Variants in TP53I13 observed in about 807,000 individuals in gnomAD.
The protein encoded by TP53I13 is tumor protein p53-inducible protein 13.
TP53I13 carries 27 observed loss-of-function variants against 39.1 expected under a neutral mutation model. The observed-to-expected ratio is 0.69, with a 90% CI of 0.51 to 0.95. The LOEUF (loss-of-function observed/expected upper bound fraction) is 0.95, where lower values mean the gene tolerates loss of function less well. Among genes scored for constraint, TP53I13 ranks in the 40% least tolerant of loss-of-function variants. The probability of loss-of-function intolerance (pLI) is 0.00; values close to 1 mark genes in which losing one functional copy is unlikely to be tolerated. For synonymous variants in TP53I13, 230 were observed against 224.6 expected (o/e 1.02, Z -0.22); for missense variants, 544 against 520.4 (o/e 1.05, Z -0.44).
At chr17:29,566,971 A>T (rs1473918277), upstream of TP53I13, 4 of 1,353,836 alleles carry the variant, frequency 3.0e-6, no homozygotes, top group African/African-American at 4.6e-5. Flanking sequence ...CGGCATGGCG[A>T]AGCTGGAGAG....
chr17:29,577,937 A>G (rs555895633), downstream of TP53I13, among the ~76,000 whole-genome samples: 192 of 152,364 alleles, frequency 1.3e-3, no homozygotes, highest in African/African-American at 4.3e-3. Flanking sequence ...GGGGACAGAC[A>G]AATGGAACAA....
At chr17:29,580,059 C>A in the TP53I13 span, among the ~76,000 whole-genome samples, 1 of 152,136 alleles carries the variant, frequency 6.6e-6, no homozygotes, top group Non-Finnish European at 1.5e-5. Context: ...GCATTTCTAC[C>A]CTCCATGCCT....
At chr17:29,566,622 G>A (rs762884067), upstream of TP53I13, 11 of 1,608,190 alleles carry the variant, frequency 6.8e-6, no homozygotes, top group South Asian at 8.8e-5. Flanking sequence ...CAGGCGCTAC[G>A]GGCAGGACGA....
At chr17:29,578,583 G>C in the TP53I13 span, 1 of 863,892 alleles carries the variant, frequency 1.2e-6, no homozygotes, top group African/African-American at 1.6e-5. Flanking sequence ...AGGGAGGTCA[G>C]GGAGAGGGGA....
chr17:29,575,887 C>A (rs1393417208), downstream of TP53I13: 5 of 1,608,260 alleles, frequency 3.1e-6, no homozygotes, highest in East Asian at 2.2e-5. This position sits in a 1 kb window ranked among gnomAD's most constrained non-coding sequence, Gnocchi z 5.5. Context: ...AGGCAGACAC[C>A]CCTTTCCGGA....
At chr17:29,577,598 G>T, downstream of TP53I13, 2 of 1,217,254 alleles carry the variant, frequency 1.6e-6, no homozygotes, top group Non-Finnish European at 2.4e-6. Context: ...AGGAGGGACC[G>T]CGGGGATGAA....
Position 29,568,732 on chromosome 17 carries a change from G to A in TP53I13, c.-27G>A. 6.9e-7 allele frequency: 1 copy of A among 1,454,696 alleles called. No individual in the cohort carries two copies. Among genetic ancestry groups the A allele is most frequent in the Non-Finnish European group, 9.0e-7 (1 of 1,109,210 alleles). The allele number at this position is 1,454,696 out of a possible 1,614,324, so 90.1% of individuals were successfully genotyped here. ...TCCCTCGCTGGCGGAGCGGCTGGGC[G>A]GCGGGCCGGGCCCGGGGCCGCTTGG... On this transcript the variant is annotated 5_prime_UTR_variant, in exon 1 of 7. Coordinates refer to ENST00000301057, the MANE Select transcript of TP53I13 (RefSeq NM_138349.4). This position sits in a 1 kb window ranked among gnomAD's most constrained non-coding sequence, Gnocchi z 4.5.
At chr17:29,575,877 A>G, downstream of TP53I13, 1 of 1,610,458 alleles carries the variant, frequency 6.2e-7, no homozygotes, top group Non-Finnish European at 8.5e-7. This position sits in a 1 kb window ranked among gnomAD's most constrained non-coding sequence, Gnocchi z 5.5. Flanking sequence ...GGCACAGCTG[A>G]GGCAGACACC....
downstream of TP53I13, chr17:29,576,453 A>G: frequency 6.2e-7 from 1 of 1,612,678 alleles, no homozygotes; most frequent in South Asian, 1.1e-5. Flanking sequence ...TTGTGGATCT[A>G]TGGGTGCAAA....
At chr17:29,576,573 G>A, downstream of TP53I13, 1 of 1,614,034 alleles carries the variant, frequency 6.2e-7, no homozygotes. Context: ...TGACCTTCAT[G>A]AGCTGCTGCA....
chr17:29,568,641 C>A, upstream of TP53I13: 6 of 627,792 alleles, frequency 9.6e-6, no homozygotes, highest in Non-Finnish European at 1.2e-5. This position sits in a 1 kb window ranked among gnomAD's most constrained non-coding sequence, Gnocchi z 4.5. Context: ...AGCCCAGGGC[C>A]AACGGACGCG....
downstream of TP53I13, chr17:29,577,652 C>T (rs2033260523): frequency 1.2e-6 from 2 of 1,601,182 alleles, no homozygotes; most frequent in Non-Finnish European, 1.7e-6. Context: ...CACCTGATTC[C>T]GCGTGGCTGA....
chr17:29,571,556 G>A (rs1325169180), intron 3 of TP53I13, 35 bp from the exon 4 acceptor site: 2 of 1,610,798 alleles, frequency 1.2e-6, no homozygotes, highest in African/African-American at 2.7e-5. Context: ...GGAGGGCTCT[G>A]GGCCTGCTTT....
At chr17:29,578,335 C>T in the TP53I13 span, 8 of 1,614,020 alleles carry the variant, frequency 5.0e-6, no homozygotes, top group African/African-American at 1.3e-5. Flanking sequence ...TCGTCATACA[C>T]GTCCATGGCG....
At chr17:29,579,197 C>T in the TP53I13 span, 1 of 587,070 alleles carries the variant, frequency 1.7e-6, no homozygotes, top group Admixed American at 3.0e-5. Flanking sequence ...TTGTCCACCA[C>T]CAGTGTCAGC....
At chr17:29,581,530 C>T in the TP53I13 span, 9 of 733,700 alleles carry the variant, frequency 1.2e-5, no homozygotes, top group Non-Finnish European at 1.7e-5. The surrounding 1 kb of genome is among the most constrained non-coding windows in gnomAD (Gnocchi z 4.8). Flanking sequence ...GCTGGGAGCT[C>T]GTGGGAGGAT....
At chr17:29,576,922 C>T (rs1235733839), downstream of TP53I13, 6 of 1,584,972 alleles carry the variant, frequency 3.8e-6, no homozygotes, top group Non-Finnish European at 5.1e-6. Context: ...TCTGTGTCCT[C>T]GTCAGAGGCC....
chr17:29,568,874 A>C lies in TP53I13; in HGVS notation c.72+44A>C, dbSNP rs768789893. The stretch of plus-strand genomic sequence containing the variant: ...GGGAAGGCCTCGGCCCGCGAGCTCA[A>C]AGCGCTTTGCCAAAAGTTCGTCCTG... On this transcript the variant is annotated intron_variant, in intron 1 of 6. Transcript: ENST00000301057. This position sits in a 1 kb window ranked among gnomAD's most constrained non-coding sequence, Gnocchi z 4.5. The C allele has an allele frequency of 1.0e-5, 16 of 1,599,018 alleles. No homozygotes were observed. In the African/African-American group the frequency reaches 1.6e-4, roughly 16 times the overall value.
In TP53I13 at chr17:29,571,616, A is replaced by T. The variant is rs985541714; in HGVS notation, c.209A>T (p.His70Leu). The T allele has an allele frequency of 1.2e-6, 2 of 1,613,780 alleles. No individual in the cohort carries two copies. The highest frequency in any genetic ancestry group is 2.7e-5 in the African/African-American group (2 of 74,862). The part of the protein sequence containing the change: ...GQAEDVTFLY[H>L]PCAHPWLKLQ... Reference sequence around the variant, plus strand: ...GCTGAGGATGTCACCTTCCTCTACCACCCCTGTGCCCATCCCTGGCTGAAG... The same window carrying T: ...GCTGAGGATGTCACCTTCCTCTACCTCCCCTGTGCCCATCCCTGGCTGAAG... Residue 70 changes from histidine (H) to leucine (L), a missense_variant, in exon 4 of 7, where the codon CAC becomes CTC. By Grantham distance (99) the His-to-Leu change is moderately conservative (BLOSUM62 -3). Coordinates refer to ENST00000301057, the MANE Select transcript of TP53I13 (RefSeq NM_138349.4).
Sources: allele counts gnomAD v4.1 joint callset (sites outside exome capture counted in the v4.1 genomes callset), GRCh38; gene constraint gnomAD v4.1.1; non-coding constraint Gnocchi (gnomAD v3.1); transcripts MANE v1.5; gene names NCBI Gene and HGNC (gene_info 2026-07-23, HGNC 2026-07-21).